The following FBXL13 variants were observed in gnomAD, a reference collection of about 807,000 sequenced individuals.
FBXL13 encodes F-box and leucine-rich repeat protein 13.
Under a neutral mutation model 83.6 loss-of-function variants are expected in FBXL13, and 67 were observed. The ratio of observed to expected loss-of-function variants is 0.80; its 90% CI spans 0.66 to 0.98. The LOEUF (loss-of-function observed/expected upper bound fraction) is 0.98. Among genes scored for constraint, FBXL13 ranks in the 50% least tolerant of loss-of-function variants. The pLI, the probability that FBXL13 is intolerant of heterozygous loss-of-function variation, is 0.00. For missense variants in FBXL13, 822 were observed against 866.5 expected, an observed-to-expected ratio of 0.95 and a Z score of 0.64; for synonymous variants, 272 against 299.5, an observed-to-expected ratio of 0.91 and a Z score of 0.95.
At chr7:102,972,659 T>G (rs970535668) in intron 6 of FBXL13, among the ~76,000 whole-genome samples, 76 of 151,924 alleles carry the variant, frequency 5.0e-4, no homozygotes, top group African/African-American at 1.7e-3. Flanking sequence ...ACTTTAAACG[T>G]TTTTATTTTT....
intron 6 of FBXL13, among the ~76,000 whole-genome samples, chr7:103,007,376 A>G (rs1224039461): frequency 1.3e-5 from 2 of 150,996 alleles, no homozygotes; most frequent in African/African-American, 2.4e-5. Context: ...ACAAAAGCAG[A>G]AAAAAAAAAT....
At chr7:103,047,496 C>T (rs1006952166) in intron 2 of FBXL13, among the ~76,000 whole-genome samples, 1 of 152,160 alleles carries the variant, frequency 6.6e-6, no homozygotes, top group African/African-American at 2.4e-5. Flanking sequence ...TAATCAATTT[C>T]ACTATCGGCT....
At chr7:102,934,460 A>T (rs750388298) in intron 8 of FBXL13, 10 of 1,614,120 alleles carry the variant, frequency 6.2e-6, no homozygotes, top group Non-Finnish European at 8.5e-6. Context: ...GATTCCCAGG[A>T]ACCGGAATTT....
intron 8 of FBXL13, among the ~76,000 whole-genome samples, chr7:102,938,123 T>C (rs1820689559): frequency 6.6e-6 from 1 of 152,214 alleles, no homozygotes; most frequent in South Asian, 2.1e-4. Flanking sequence ...TGAGACTAAT[T>C]GAAAGGCATA....
chr7:102,903,732 G>C (rs1043834004), intron 11 of FBXL13, among the ~76,000 whole-genome samples: 2 of 151,700 alleles, frequency 1.3e-5, no homozygotes, highest in African/African-American at 4.8e-5. Context: ...TGATTATATG[G>C]TTTTTATCCT....
At chr7:102,854,909 G>C (rs1178606594) in intron 16 of FBXL13, 49 bp from the exon 18 acceptor site, 7 of 1,083,388 alleles carry the variant, frequency 6.5e-6, no homozygotes, top group Non-Finnish European at 9.5e-6. Flanking sequence ...ATTTAGTATG[G>C]AATATATAGT....
chr7:103,074,280 T>C lies in FBXL13; in HGVS notation c.-139A>G, dbSNP rs113806802. 1.1e-5 allele frequency: 11 copies of C among 1,008,180 alleles called. No homozygotes were observed. In the African/African-American group the frequency reaches 1.5e-4, roughly 14 times the overall value. The allele number at this position is 1,008,180 out of a possible 1,614,324, so 62.5% of individuals were successfully genotyped here. On this transcript the variant is annotated 5_prime_UTR_variant, in exon 1 of 20. Transcript: ENST00000313221. Reference sequence around the variant, plus strand: ...AATCCAGCTCCTTATCTTAGGTGACTAGTGCCTACTCCCTACTTCTGACAA... The same window carrying C: ...AATCCAGCTCCTTATCTTAGGTGACCAGTGCCTACTCCCTACTTCTGACAA...
At chr7:103,028,837 T>C (rs1794212171) in intron 3 of FBXL13, 89 bp from the exon 5 acceptor site, 1 of 1,143,654 alleles carries the variant, frequency 8.7e-7, no homozygotes, top group Non-Finnish European at 1.2e-6. Context: ...AAGAATGATA[T>C]CTCCTTTATG....
At chr7:103,042,392 T>C (rs543624755) in intron 2 of FBXL13, among the ~76,000 whole-genome samples, 2 of 152,244 alleles carry the variant, frequency 1.3e-5, no homozygotes, top group East Asian at 1.9e-4. Flanking sequence ...AAAATGGCCA[T>C]ACAACCCAAG....
chr7:102,828,971 A>G (rs1178950816), intron 18 of FBXL13, among the ~76,000 whole-genome samples: 2 of 152,168 alleles, frequency 1.3e-5, no homozygotes, highest in Non-Finnish European at 2.9e-5. Flanking sequence ...TAACTATAGA[A>G]TGTGCTGGGG....
chr7:102,992,918 TAACA>T (rs934356559), intron 6 of FBXL13, among the ~76,000 whole-genome samples: 1 of 152,226 alleles, frequency 6.6e-6, no homozygotes, highest in Non-Finnish European at 1.5e-5. Context: ...GTAAACACTT[TAACA>T]GAGACAGCGA....
intron 10 of FBXL13, among the ~76,000 whole-genome samples, chr7:102,924,327 C>T (rs917979294): frequency 2.0e-5 from 3 of 151,856 alleles, no homozygotes; most frequent in Non-Finnish European, 4.4e-5. Context: ...GTTTGCTGAC[C>T]CCTGATTTAG....
intron 6 of FBXL13, among the ~76,000 whole-genome samples, chr7:102,970,140 A>G (rs1826462683): frequency 6.6e-6 from 1 of 151,724 alleles, no homozygotes; most frequent in African/African-American, 2.4e-5. Flanking sequence ...AGTCCTAGCT[A>G]CTCTAGAGGC....
intron 1 of FBXL13, among the ~76,000 whole-genome samples, chr7:103,061,953 A>C (rs533663800): frequency 2.1e-3 from 320 of 151,056 alleles, no homozygotes; most frequent in South Asian, 3.3e-3. Flanking sequence ...AAAAAAAAAA[A>C]AAAACCTGAT....
intron 14 of FBXL13, among the ~76,000 whole-genome samples, chr7:102,879,329 ATCC>A (rs1386502399): frequency 6.6e-6 from 1 of 152,148 alleles, no homozygotes; most frequent in Non-Finnish European, 1.5e-5. Context: ...GGCAAAAGAT[ATCC>A]TGTTTCAGCT....
chr7:102,981,824 T>C (rs919928886), intron 6 of FBXL13, among the ~76,000 whole-genome samples: 1 of 152,204 alleles, frequency 6.6e-6, no homozygotes, highest in African/African-American at 2.4e-5. Context: ...TACCATCATA[T>C]TGGGGATTAG....
At chr7:102,950,425 C>T (rs187490147) in intron 8 of FBXL13, among the ~76,000 whole-genome samples, 2 of 152,332 alleles carry the variant, frequency 1.3e-5, no homozygotes, top group African/African-American at 2.4e-5. Flanking sequence ...CAGAATGGTA[C>T]AGCCAACTTT....
At position 102,934,150 on chromosome 7, in the gene FBXL13, G is replaced by T. The variant is rs1031464514; in HGVS notation, c.725-2217C>A. The T allele has an allele frequency of 3.7e-6, 6 of 1,614,062 alleles. No homozygotes were observed. The African/African-American group carries it at 8.0e-5, about 22-fold the overall frequency. On this transcript the variant is annotated intron_variant, in intron 8 of 19. Transcript: ENST00000313221. The stretch of plus-strand genomic sequence containing the variant: ...AATTAGTTTATGTGCTGCCTGGTTG[G>T]CCTCAGGATTTGCTGCACATGCTGC...
At chr7:102,947,312 A>G (rs967636576) in intron 8 of FBXL13, among the ~76,000 whole-genome samples, 6 of 152,170 alleles carry the variant, frequency 3.9e-5, no homozygotes, top group Non-Finnish European at 5.9e-5. Context: ...AAAGAGCCCA[A>G]GTTGTTCTCA....
Sources: gnomAD v4.1 joint callset for allele counts (sites outside exome capture counted in the v4.1 genomes callset) on GRCh38, gnomAD v4.1.1 for gene constraint, MANE v1.5 for transcripts, NCBI Gene and HGNC (gene_info 2026-07-23, HGNC 2026-07-21) for gene names.